MAP3K15: variants seen among roughly 807,000 people sequenced by gnomAD.
The protein encoded by MAP3K15 is MAPK/ERK kinase kinase 15.
A neutral mutation model predicts 99.5 loss-of-function variants in MAP3K15; 124 were observed. The observed-to-expected ratio is 1.25, with a 90% CI of 1.08 to 1.45. MAP3K15 has a LOEUF of 1.45. Among genes scored for constraint, MAP3K15 ranks in the 40% most tolerant of loss-of-function variants. The pLI is 0.00. For missense variants in MAP3K15, 1,242 were observed against 1,079.7 expected (o/e 1.15, Z -2.11); for synonymous variants, 494 against 439.6 (o/e 1.12, Z -1.55).
chrX:19,408,857 T>C (rs1317307393), intron 12 of MAP3K15, among the ~76,000 whole-genome samples: 2 of 111,031 alleles, frequency 1.8e-5, no homozygotes, highest in Non-Finnish European at 3.8e-5. Flanking sequence ...ATTTCCCTCG[T>C]GTGGCCACAA....
At position 19,485,198 on chromosome X, in the gene MAP3K15, A is replaced by G. The variant is rs141517776; in HGVS notation, c.525+1284T>C. On this transcript the variant is annotated intron_variant, in intron 3 of 28. Transcript: ENST00000338883. ...GTGGTAGGCGCCTATAATCCCAGCT[A>G]CTCAGGAGGCTGAGACAGGAGAATC... Among the ~76,000 whole-genome samples the G allele has an allele frequency of 7.3e-3, 776 of 105,655 alleles. 10 individuals are homozygous for G. The highest frequency in any genetic ancestry group is 0.025 in the African/African-American group (735 of 28,844). The allele number at this position is 105,655 out of a possible 115,157, so 91.7% of individuals were successfully genotyped here.
chrX:19,457,503 T>G (rs2064102282), intron 5 of MAP3K15, among the ~76,000 whole-genome samples: 2 of 111,145 alleles, frequency 1.8e-5, no homozygotes, highest in African/African-American at 6.5e-5. Flanking sequence ...TCCCAGCTAC[T>G]CGAGAGGCTG....
Position 19,515,106 on chromosome X carries a change from C to G in MAP3K15, c.156G>C (p.Glu52Asp), listed in dbSNP as rs2064553236. 2.4e-6 allele frequency: 2 copies of G among 839,640 alleles called. No homozygotes were observed. Among genetic ancestry groups the G allele is most frequent in the Admixed American group, 1.0e-4 (2 of 20,003 alleles). 69.2% of individuals were successfully genotyped at this position (839,640 alleles called of 1,213,427 possible). The change falls in exon 1 of 29, where the codon GAG becomes GAC. Residue 52 changes from glutamate to aspartate, a missense_variant. Transcript: ENST00000338883. ...EGAAGGSGEG[E>D]SGGGPRRALR... ...GAGCCCGCCGCGGCCCGCCCCCACT[C>G]TCGCCCTCGCCGCTGCCGCCTGCCG...
chrX:19,469,986 A>G (rs1248424739), intron 3 of MAP3K15, among the ~76,000 whole-genome samples: 3 of 110,953 alleles, frequency 2.7e-5, no homozygotes, highest in Non-Finnish European at 5.7e-5. Context: ...TGTGGAAGTC[A>G]GTGTGGCGAT....
chrX:19,475,537 C>T (rs1053837362), intron 3 of MAP3K15, among the ~76,000 whole-genome samples: 4 of 111,203 alleles, frequency 3.6e-5, no homozygotes, highest in African/African-American at 9.8e-5. Flanking sequence ...CTCTTAGATG[C>T]TTCACGTAGA....
intron 6 of MAP3K15, among the ~76,000 whole-genome samples, chrX:19,433,276 G>C (rs2063897675): frequency 9.0e-6 from 1 of 111,449 alleles, no homozygotes; most frequent in East Asian, 2.8e-4. Context: ...ATGTCTATGA[G>C]GGTGTTTCTG....
chrX:19,385,363 G>A (rs1266643232), intron 18 of MAP3K15, among the ~76,000 whole-genome samples: 4 of 111,672 alleles, frequency 3.6e-5, no homozygotes, highest in South Asian at 3.8e-4. Context: ...AGACTGATCC[G>A]AGAGAAAGAG....
chrX:19,384,422 G>C (rs1445826725), intron 18 of MAP3K15, among the ~76,000 whole-genome samples: 1 of 109,600 alleles, frequency 9.1e-6, no homozygotes, highest in African/African-American at 3.3e-5. Flanking sequence ...TCTAGTATTT[G>C]ATAGCACAAC....
At position 19,360,564 on chromosome X, in the gene MAP3K15, A is replaced by ATGTT. The variant is rs749787977; in HGVS notation, c.*181_*184dup. 121 of 396,891 alleles carry ATGTT rather than the reference A, an allele frequency of 3.0e-4. No individual in the cohort carries two copies. In the South Asian group the frequency reaches 3.4e-3, roughly 11 times the overall value. The allele number at this position is 396,891 out of a possible 1,213,427, so 32.7% of individuals were successfully genotyped here. ...CTGTTTTCACAATACACACAGTTCTATGTTTATAAATAACAGGTTTCAAAA... is the reference window on the plus strand; with the variant it reads ...CTGTTTTCACAATACACACAGTTCTATGTTTGTTTATAAATAACAGGTTTCAAAA... On this transcript the variant is annotated 3_prime_UTR_variant, in exon 29 of 29. Coordinates refer to ENST00000338883, the MANE Select transcript of MAP3K15 (RefSeq NM_001001671.4).
chrX:19,393,368 C>T (rs970369375), intron 16 of MAP3K15, among the ~76,000 whole-genome samples: 10 of 112,215 alleles, frequency 8.9e-5, no homozygotes, highest in Non-Finnish European at 1.3e-4. Context: ...CGGTGGCTCA[C>T]GCCTGTAATC....
chrX:19,362,962 G>C, intron 25 of MAP3K15, 112 bp from the exon 26 acceptor site: 1 of 452,909 alleles, frequency 2.2e-6, no homozygotes, highest in Non-Finnish European at 3.8e-6. Context: ...AATGGAAAAT[G>C]GGACAAGTCT....
intron 9 of MAP3K15, among the ~76,000 whole-genome samples, chrX:19,418,802 C>A (rs1943541665): frequency 8.9e-6 from 1 of 111,937 alleles, no homozygotes; most frequent in African/African-American, 3.2e-5. Flanking sequence ...GGTCAGGTTA[C>A]CCACAAAGGG....
intron 1 of MAP3K15, among the ~76,000 whole-genome samples, chrX:19,506,422 C>T (rs950371783): frequency 1.8e-5 from 2 of 112,066 alleles, no homozygotes; most frequent in African/African-American, 3.2e-5. Flanking sequence ...CTTTATACCC[C>T]ACAATGACTC....
rs767190507 is a variant in MAP3K15, at chrX:19,382,438, G to T, written c.2432-2161C>A. Among the ~76,000 whole-genome samples, 2 of 111,423 alleles carry T rather than the reference G, an allele frequency of 1.8e-5. 1 individual carries two copies. Among genetic ancestry groups the T allele is most frequent in the South Asian group, 7.6e-4 (2 of 2,645 alleles). ...CGTTCTATCCTGTGTGGTTAAATAT[G>T]GTAGTCACTAGCCTCATATATTTGA... On this transcript the variant is annotated intron_variant, in intron 18 of 28. Coordinates refer to ENST00000338883, the MANE Select transcript of MAP3K15 (RefSeq NM_001001671.4).
At chrX:19,374,871 T>C (rs919898893) in intron 19 of MAP3K15, among the ~76,000 whole-genome samples, 12 of 111,330 alleles carry the variant, frequency 1.1e-4, no homozygotes, top group African/African-American at 3.9e-4. Context: ...GACCAACAGA[T>C]AGTGACAGAA....
At chrX:19,438,523 T>C (rs1318840824) in intron 6 of MAP3K15, among the ~76,000 whole-genome samples, 1 of 112,363 alleles carries the variant, frequency 8.9e-6, no homozygotes, top group Non-Finnish European at 1.9e-5. Flanking sequence ...GGAGGGCACT[T>C]AGCCCTTCTG....
intron 3 of MAP3K15, among the ~76,000 whole-genome samples, chrX:19,477,310 A>T (rs1257698981): frequency 8.9e-6 from 1 of 112,023 alleles, no homozygotes; most frequent in Non-Finnish European, 1.9e-5. Context: ...CACAGGACCA[A>T]GACCACAGGC....
At chrX:19,447,276 TAGG>T (rs1318515102) in intron 6 of MAP3K15, among the ~76,000 whole-genome samples, 1 of 111,388 alleles carries the variant, frequency 9.0e-6, no homozygotes, top group Non-Finnish European at 1.9e-5. Flanking sequence ...CCCAGCTAGT[TAGG>T]AGGAGAACTG....
chrX:19,401,192 C>T (rs189261002), intron 13 of MAP3K15, among the ~76,000 whole-genome samples: 1 of 109,915 alleles, frequency 9.1e-6, no homozygotes, highest in East Asian at 2.8e-4. Context: ...CCCTGTGTTA[C>T]TCTTTTTCTT....
Sources: gnomAD v4.1 joint callset for allele counts (sites outside exome capture counted in the v4.1 genomes callset) on GRCh38, gnomAD v4.1.1 for gene constraint, MANE v1.5 for transcripts, NCBI Gene and HGNC (gene_info 2026-07-23, HGNC 2026-07-21) for gene names.